The following RNF17 variants were observed in gnomAD, a reference collection of about 807,000 sequenced individuals.
The protein encoded by RNF17 is ring finger protein 17.
RNF17 carries 31 observed loss-of-function variants against 200.5 expected under a neutral mutation model. The observed-to-expected ratio is 0.15, with a 90% confidence interval of 0.12 to 0.21. RNF17 has a LOEUF of 0.21. RNF17 is among the 10% of genes least tolerant of loss of function. The probability of loss-of-function intolerance (pLI) is 1.00; values close to 1 mark genes in which losing one functional copy is unlikely to be tolerated. For synonymous variants in RNF17, 606 were observed against 637.8 expected (o/e 0.95, Z 0.75); for missense variants, 1,628 against 1,905.1 (o/e 0.85, Z 2.71).
intron 24 of RNF17, among the ~76,000 whole-genome samples, chr13:24,852,454 C>T (rs987684283): frequency 2.4e-4 from 36 of 151,990 alleles, no homozygotes; most frequent in African/African-American, 8.5e-4. Flanking sequence ...CTCTCTCTTT[C>T]TAGAGATTTA....
chr13:24,878,213 T>A (rs559970710), intron 34 of RNF17, among the ~76,000 whole-genome samples: 2 of 152,222 alleles, frequency 1.3e-5, no homozygotes, highest in Non-Finnish European at 2.9e-5. Flanking sequence ...GTCAGCATGG[T>A]TCCTGGAAAG....
At chr13:24,865,028 A>G (rs768951930) in intron 29 of RNF17, 30 bp downstream of exon 29, 9 of 1,467,974 alleles carry the variant, frequency 6.1e-6, no homozygotes, top group Non-Finnish European at 8.3e-6. Context: ...ATAAAAATCT[A>G]AAGTGTAGAA....
intron 15 of RNF17, among the ~76,000 whole-genome samples, chr13:24,815,400 T>C (rs945728948): frequency 6.6e-5 from 10 of 151,558 alleles, no homozygotes; most frequent in Admixed American, 1.3e-4. Context: ...CTAGCAACTT[T>C]GCTGAATTAA....
chr13:24,805,944 G>A (rs1215431887), intron 15 of RNF17, among the ~76,000 whole-genome samples: 1 of 151,758 alleles, frequency 6.6e-6, no homozygotes, highest in Non-Finnish European at 1.5e-5. Context: ...GAACATGCAG[G>A]TTTGTTACAT....
chr13:24,818,094 C>T (rs1355241104), intron 15 of RNF17, among the ~76,000 whole-genome samples: 1 of 151,822 alleles, frequency 6.6e-6, no homozygotes, highest in Non-Finnish European at 1.5e-5. Flanking sequence ...TTTCATATTC[C>T]TTTGTCTTGA....
At chr13:24,881,628 C>A (rs369574704), downstream of RNF17, among the ~76,000 whole-genome samples, 192 of 150,446 alleles carry the variant, frequency 1.3e-3, 2 homozygotes, top group South Asian at 0.023. Flanking sequence ...TATCTATAAT[C>A]TAGAGATATA....
At position 24,879,191 on chromosome 13, in the gene RNF17, C is replaced by T; in HGVS notation, c.4778C>T (p.Pro1593Leu). 4 of 1,611,452 alleles carry T rather than the reference C, an allele frequency of 2.5e-6. No homozygotes were observed. Among genetic ancestry groups the T allele is most frequent in the East Asian group, 2.2e-5 (1 of 44,856 alleles). The change falls in exon 35 of 36, where the codon CCA becomes CTA. Residue 1593 changes from proline to leucine, a missense_variant. Physicochemically the swap from Pro to Leu is moderately conservative, Grantham distance 98. Coordinates refer to ENST00000255324, the MANE Select transcript of RNF17 (RefSeq NM_031277.3). ...AACTGTATCTTTTAATTTTAGGCTC[C>T]AGCACCAGAACAGATAGTGACATTA... ...GKQLYAVSMA[P>L]APEQIVTLYD...
At chr13:24,772,680 A>G (rs1880944599) in intron 2 of RNF17, among the ~76,000 whole-genome samples, 1 of 150,962 alleles carries the variant, frequency 6.6e-6, no homozygotes, top group South Asian at 2.1e-4. Context: ...GCGCCATCTC[A>G]GCTCACTGCA....
chr13:24,802,311 TA>T, intron 13 of RNF17, 69 bp from the exon 14 acceptor site: 1 of 1,404,258 alleles, frequency 7.1e-7, no homozygotes, highest in Non-Finnish European at 9.7e-7. Context: ...GGTACAAACC[TA>T]AATCCAGAAC....
At chr13:24,811,136 C>T (rs1273702420) in intron 15 of RNF17, among the ~76,000 whole-genome samples, 8 of 150,194 alleles carry the variant, frequency 5.3e-5, no homozygotes, top group Non-Finnish European at 1.0e-4. Context: ...TTGCTCTTCT[C>T]GAGGAGTATC....
the RNF17 span, chr13:24,886,329 G>A: frequency 7.8e-7 from 1 of 1,289,270 alleles, no homozygotes; most frequent in Admixed American, 2.3e-5. Context: ...AAGGAGGAGA[G>A]CGGAGGCAGG....
At chr13:24,856,032 T>G (rs2138264854) in intron 25 of RNF17, among the ~76,000 whole-genome samples, 1 of 152,354 alleles carries the variant, frequency 6.6e-6, no homozygotes, top group East Asian at 1.9e-4. Context: ...TTCTTACTTG[T>G]CTTTTCAGTG....
At chr13:24,750,936 T>C in the RNF17 span, 1 of 152,218 alleles carries the variant, frequency 6.6e-6, no homozygotes, top group Non-Finnish European at 1.5e-5. Flanking sequence ...CTTTATCTGA[T>C]GCTGTGTTTG....
At chr13:24,852,932 G>A (rs1892095894) in intron 24 of RNF17, among the ~76,000 whole-genome samples, 1 of 152,054 alleles carries the variant, frequency 6.6e-6, no homozygotes, top group Non-Finnish European at 1.5e-5. Context: ...TTGATTGATT[G>A]AGACAGAGTC....
At position 24,867,389 on chromosome 13, in the gene RNF17, A is replaced by G. The variant is rs565825344; in HGVS notation, c.4161+1186A>G. On this transcript the variant is annotated intron_variant, in intron 30 of 35. Coordinates refer to ENST00000255324, the MANE Select transcript of RNF17 (RefSeq NM_031277.3). Reference sequence around the variant, plus strand: ...AAGTTTTTAATTTTGATGAAGTCCAATTTATCTGTTTTTTTTCTTTTGTCA... The same window carrying G: ...AAGTTTTTAATTTTGATGAAGTCCAGTTTATCTGTTTTTTTTCTTTTGTCA... Among the ~76,000 whole-genome samples, 5 of 152,204 alleles carry G rather than the reference A, an allele frequency of 3.3e-5. No homozygotes were observed. The South Asian group carries it at 1.0e-3, about 32-fold the overall frequency.
At chr13:24,862,244 G>C (rs1187963553) in intron 27 of RNF17, among the ~76,000 whole-genome samples, 1 of 152,156 alleles carries the variant, frequency 6.6e-6, no homozygotes, top group Non-Finnish European at 1.5e-5. Flanking sequence ...TCACCTGAAG[G>C]ATCAACTGGG....
downstream of RNF17, chr13:24,884,177 G>A: frequency 6.2e-7 from 1 of 1,614,174 alleles, no homozygotes; most frequent in South Asian, 1.1e-5. Flanking sequence ...GTCCACTTGA[G>A]AAATGTAAGA....
chr13:24,879,473 T>C (rs570874013), intron 35 of RNF17, among the ~76,000 whole-genome samples, 178 bp downstream of exon 35: 1 of 152,304 alleles, frequency 6.6e-6, no homozygotes, highest in Non-Finnish European at 1.5e-5. Flanking sequence ...AGAGGTCCCC[T>C]ATCTGTAAGG....
intron 35 of RNF17, 110 bp downstream of exon 35, chr13:24,879,405 G>T: frequency 1.5e-6 from 1 of 687,688 alleles, no homozygotes. Context: ...AGGAATGACA[G>T]CAACGCTCCA....
Sources: gnomAD v4.1 joint callset for allele counts (sites outside exome capture counted in the v4.1 genomes callset) on GRCh38, gnomAD v4.1.1 for gene constraint, MANE v1.5 for transcripts, NCBI Gene and HGNC (gene_info 2026-07-23, HGNC 2026-07-21) for gene names.